The following ADAMTSL1 variants were observed in gnomAD, a reference collection of about 807,000 sequenced individuals.
ADAMTSL1 encodes ADAMTS like 1.
A neutral mutation model predicts 201.8 loss-of-function variants in ADAMTSL1; 126 were observed. The observed-to-expected ratio is 0.62, with a 90% CI of 0.54 to 0.72. The LOEUF is 0.72. Ranked by LOEUF, ADAMTSL1 falls within the 30% of genes least tolerant of loss-of-function variation. ADAMTSL1 has a pLI of 0.00. For synonymous variants in ADAMTSL1, 1,121 were observed against 903.4 expected (o/e 1.24, Z -4.32); for missense variants, 2,679 against 2,277.8 (o/e 1.18, Z -3.59).
At position 17,913,049 on chromosome 9, in the gene ADAMTSL1, A is replaced by G. The variant is rs552086476; in HGVS notation, c.87+6127A>G. On this transcript the variant is annotated intron_variant, in intron 1 of 29. Coordinates refer to the ADAMTSL1 transcript ENST00000680146. Reference sequence around the variant, plus strand: ...TGTTCTGTTCTGTTCTGTTTCATTGATCTATATCTCTGTTTTGGTACCAGT... The same window carrying G: ...TGTTCTGTTCTGTTCTGTTTCATTGGTCTATATCTCTGTTTTGGTACCAGT... Among the ~76,000 whole-genome samples the G allele has an allele frequency of 4.6e-5, 7 of 152,102 alleles. No individual in the cohort carries two copies. The South Asian group carries it at 1.5e-3, about 32-fold the overall frequency.
chr9:18,214,230 T>C (rs181771812), intron 2 of ADAMTSL1, among the ~76,000 whole-genome samples: 7 of 152,320 alleles, frequency 4.6e-5, no homozygotes, highest in Non-Finnish European at 1.0e-4. Flanking sequence ...AGAAAATATA[T>C]TTTAAAAGTT....
chr9:18,331,232 T>C (rs954599262), intron 2 of ADAMTSL1, among the ~76,000 whole-genome samples: 1 of 152,174 alleles, frequency 6.6e-6, no homozygotes, highest in Non-Finnish European at 1.5e-5. Flanking sequence ...AGGAAGTGTG[T>C]TGAGGTAAGC....
intron 2 of ADAMTSL1, among the ~76,000 whole-genome samples, chr9:18,354,316 C>G (rs988246859): frequency 4.6e-5 from 7 of 151,910 alleles, no homozygotes; most frequent in Non-Finnish European, 7.4e-5. Flanking sequence ...GTACATACAT[C>G]TTTATCTCTA....
At chr9:18,145,026 A>G (rs1826573256) in intron 1 of ADAMTSL1, among the ~76,000 whole-genome samples, 2 of 152,152 alleles carry the variant, frequency 1.3e-5, no homozygotes, top group African/African-American at 4.8e-5. Flanking sequence ...CTGCTGTGAG[A>G]GCTGGAGTGA....
At position 18,910,734 on chromosome 9, in the gene ADAMTSL1, G is replaced by A. The variant is rs1588375157; in HGVS notation, c.*2186G>A. 1.3e-5 allele frequency: 2 copies of A among 152,216 alleles called. No homozygotes were observed. Among genetic ancestry groups the A allele is most frequent in the African/African-American group, 4.8e-5 (2 of 41,454 alleles). 9.4% of individuals were successfully genotyped at this position (152,216 alleles called of 1,614,324 possible). ...TGTTGGGTTGGAGCAGTTGGCAGTG[G>A]GTCTCAGTGAGCTGGCAGAACCTAG... On this transcript the variant is annotated 3_prime_UTR_variant, in exon 29 of 29. Coordinates refer to ENST00000380548, the MANE Select transcript of ADAMTSL1 (RefSeq NM_001040272.6).
chr9:18,818,377 T>A (rs1254477203), intron 21 of ADAMTSL1, among the ~76,000 whole-genome samples: 1 of 152,202 alleles, frequency 6.6e-6, no homozygotes, highest in East Asian at 1.9e-4. Context: ...CTCAATTTGT[T>A]ACTTATAAGA....
At chr9:18,376,002 G>A (rs989727409) in intron 2 of ADAMTSL1, among the ~76,000 whole-genome samples, 5 of 152,170 alleles carry the variant, frequency 3.3e-5, no homozygotes, top group African/African-American at 4.8e-5. Flanking sequence ...CCTAGCTACA[G>A]AGTGCTGATT....
At chr9:18,080,970 T>G (rs1823476441) in intron 1 of ADAMTSL1, among the ~76,000 whole-genome samples, 1 of 152,246 alleles carries the variant, frequency 6.6e-6, no homozygotes. Flanking sequence ...GAGTCAACTT[T>G]TAAAATATCA....
chr9:18,854,251 C>A (rs1826703659), intron 23 of ADAMTSL1, among the ~76,000 whole-genome samples: 1 of 152,106 alleles, frequency 6.6e-6, no homozygotes, highest in African/African-American at 2.4e-5. Flanking sequence ...CACACACACA[C>A]ACCCCTTCCT....
chr9:18,189,311 A>G (rs1271314137), intron 2 of ADAMTSL1, among the ~76,000 whole-genome samples: 1 of 152,126 alleles, frequency 6.6e-6, no homozygotes, highest in African/African-American at 2.4e-5. Flanking sequence ...GTTTGAGTTA[A>G]TTTCATTAAT....
intron 3 of ADAMTSL1, among the ~76,000 whole-genome samples, chr9:18,572,159 C>T (rs992233983): frequency 9.9e-5 from 15 of 151,192 alleles, no homozygotes; most frequent in Non-Finnish European, 1.8e-4. Context: ...CACGCCACTA[C>T]ACTCCACCCG....
intron 16 of ADAMTSL1, among the ~76,000 whole-genome samples, chr9:18,755,494 G>A (rs562637110): frequency 6.6e-6 from 1 of 152,156 alleles, no homozygotes; most frequent in African/African-American, 2.4e-5. Context: ...ATGGTTATAG[G>A]TCTTAATATC....
chr9:17,964,858 T>G (rs775144926), intron 1 of ADAMTSL1, among the ~76,000 whole-genome samples: 1 of 152,244 alleles, frequency 6.6e-6, no homozygotes, highest in East Asian at 1.9e-4. Context: ...ATTTACTTCA[T>G]CTGGATTTCT....
intron 2 of ADAMTSL1, among the ~76,000 whole-genome samples, chr9:18,382,117 CG>C (rs1427486277): frequency 6.7e-6 from 1 of 148,966 alleles, no homozygotes; most frequent in East Asian, 2.0e-4. Context: ...GAATTTTGAC[CG>C]GGGGCAGGTA....
At chr9:18,272,643 A>G (rs887851718) in intron 2 of ADAMTSL1, among the ~76,000 whole-genome samples, 4 of 152,170 alleles carry the variant, frequency 2.6e-5, no homozygotes, top group African/African-American at 9.7e-5. Flanking sequence ...CAGTTGTAGG[A>G]TTTCTAAGAG....
intron 1 of ADAMTSL1, among the ~76,000 whole-genome samples, chr9:17,981,379 A>C (rs1020972255): frequency 6.6e-6 from 1 of 152,218 alleles, no homozygotes; most frequent in African/African-American, 2.4e-5. Context: ...TAAGCTTGCT[A>C]TTTATTTCAT....
At chr9:18,335,710 C>T (rs1398633191) in intron 2 of ADAMTSL1, among the ~76,000 whole-genome samples, 1 of 152,082 alleles carries the variant, frequency 6.6e-6, no homozygotes, top group Non-Finnish European at 1.5e-5. Context: ...ACTATCTATT[C>T]CATGTCTGTA....
At chr9:18,363,730 A>T (rs796826506) in intron 2 of ADAMTSL1, among the ~76,000 whole-genome samples, 6 of 152,334 alleles carry the variant, frequency 3.9e-5, no homozygotes, top group African/African-American at 1.4e-4. Flanking sequence ...GAAGGGGAAA[A>T]TCAGAGCTGA....
chr9:18,515,782 A>G (rs1031281078), intron 2 of ADAMTSL1, among the ~76,000 whole-genome samples: 5 of 152,200 alleles, frequency 3.3e-5, no homozygotes, highest in African/African-American at 9.7e-5. Flanking sequence ...TTTCTGGTAC[A>G]TACACAGTTG....
Sources: allele counts gnomAD v4.1 joint callset (sites outside exome capture counted in the v4.1 genomes callset), GRCh38; gene constraint gnomAD v4.1.1; transcripts MANE v1.5; gene names NCBI Gene and HGNC (gene_info 2026-07-23, HGNC 2026-07-21).